STK32B: variants seen among roughly 807,000 people sequenced by gnomAD.
STK32B encodes the protein serine/threonine kinase 32B, also known as serine/threonine-protein kinase 32B.
Under a neutral mutation model 52.6 loss-of-function variants are expected in STK32B, and 43 were observed. That is an observed-to-expected ratio of 0.82 (90% confidence interval 0.64 to 1.05). STK32B has a LOEUF of 1.05. STK32B is among the 50% of genes least tolerant of loss of function. STK32B has a pLI of 0.00. For synonymous variants in STK32B, 238 were observed against 204.3 expected (o/e 1.17, Z -1.41); for missense variants, 621 against 534.6 (o/e 1.16, Z -1.59).
At chr4:5,356,500 G>A (rs919045166) in intron 4 of STK32B, among the ~76,000 whole-genome samples, 13 of 152,202 alleles carry the variant, frequency 8.5e-5, no homozygotes, top group African/African-American at 2.4e-4. Context: ...ACTGCTTTGC[G>A]AAGATTCCCG....
chr4:5,471,488 A>G (rs1287888856), intron 11 of STK32B, among the ~76,000 whole-genome samples: 1 of 152,112 alleles, frequency 6.6e-6, no homozygotes, highest in African/African-American at 2.4e-5. Context: ...CAGAGCCCTC[A>G]GAAGGAGCCA....
intron 3 of STK32B, among the ~76,000 whole-genome samples, chr4:5,203,645 G>A (rs1722328852): frequency 6.6e-6 from 1 of 152,188 alleles, no homozygotes; most frequent in Non-Finnish European, 1.5e-5. Flanking sequence ...CATACTGCCT[G>A]ATACGGCGCA....
At chr4:5,349,532 T>G (rs544659421) in intron 4 of STK32B, among the ~76,000 whole-genome samples, 3 of 151,838 alleles carry the variant, frequency 2.0e-5, no homozygotes, top group African/African-American at 7.3e-5. Flanking sequence ...AAAGTGACTA[T>G]TATGCCAGAT....
chr4:5,057,857 C>T (rs1742067139), intron 1 of STK32B, among the ~76,000 whole-genome samples: 1 of 151,880 alleles, frequency 6.6e-6, no homozygotes, highest in Non-Finnish European at 1.5e-5. Context: ...GTCCTAACAC[C>T]CTAAAGGGAT....
chr4:5,166,186 CTCAAGCCAACA>C (rs1177044647), intron 2 of STK32B, among the ~76,000 whole-genome samples: 3 of 152,026 alleles, frequency 2.0e-5, no homozygotes, highest in Non-Finnish European at 2.9e-5. Context: ...TCGCTGGGTC[CTCAAGCCAACA>C]GCGTTATTGC....
intron 3 of STK32B, among the ~76,000 whole-genome samples, chr4:5,251,777 A>G (rs951125434): frequency 6.6e-6 from 1 of 152,176 alleles, no homozygotes. Flanking sequence ...TTCACGTTAC[A>G]CAGATCTTTC....
chr4:5,192,562 G>C (rs1357618982), intron 3 of STK32B, among the ~76,000 whole-genome samples: 5 of 152,110 alleles, frequency 3.3e-5, no homozygotes. Context: ...ATTTTTAAAT[G>C]AAACAATTTT....
At chr4:5,136,494 G>T (rs16836685) in intron 1 of STK32B, among the ~76,000 whole-genome samples, 2 of 152,148 alleles carry the variant, frequency 1.3e-5, no homozygotes, top group African/African-American at 4.8e-5. Flanking sequence ...GATGGAATGG[G>T]TTCCTGTTCA....
rs536791027 is a variant in STK32B at position 5,172,324 on chromosome 4, G to T, written c.260+3874G>T. Among the ~76,000 whole-genome samples the T allele has an allele frequency of 4.8e-3, 725 of 152,166 alleles. 10 individuals are homozygous for T. The highest frequency in any genetic ancestry group is 0.016 in the South Asian group (79 of 4,810). On this transcript the variant is annotated intron_variant, in intron 3 of 11. Coordinates refer to ENST00000282908, the MANE Select transcript of STK32B (RefSeq NM_018401.3). ...TTTCCTTCTCCTGCCTGATTGCCCT[G>T]GCCAGAACCTCCAACACTATGTTGA...
Position 5,472,538 on chromosome 4 carries a change from A to G in STK32B, c.1106+4468A>G, listed in dbSNP as rs1717924056. On this transcript the variant is annotated intron_variant, in intron 11 of 11. Coordinates refer to ENST00000282908, the MANE Select transcript of STK32B (RefSeq NM_018401.3). ...GGTTGAGAAATGCACCAGGGGGCCC[A>G]TCCTCCTATTCTTGGCCAAAGATCT... Among the ~76,000 whole-genome samples the G allele has an allele frequency of 2.0e-5, 3 of 152,324 alleles. No homozygotes were observed. The South Asian group carries it at 6.2e-4, about 32-fold the overall frequency.
At chr4:5,054,371 C>G (rs770397871) in intron 1 of STK32B, among the ~76,000 whole-genome samples, 2 of 152,018 alleles carry the variant, frequency 1.3e-5, no homozygotes, top group Admixed American at 6.6e-5. Context: ...TCTGAAAAGG[C>G]CTCCTCTTTT....
chr4:5,173,869 T>G (rs1034916347), intron 3 of STK32B, among the ~76,000 whole-genome samples: 3 of 152,144 alleles, frequency 2.0e-5, no homozygotes, highest in Non-Finnish European at 4.4e-5. Context: ...TGTTAACTTT[T>G]TGTCTCATTG....
chr4:5,499,097 GC>G lies in STK32B; in HGVS notation c.*15del, dbSNP rs771523278. The G allele has an allele frequency of 1.9e-6, 3 of 1,605,008 alleles. No individual in the cohort carries two copies. Among genetic ancestry groups the G allele is most frequent in the Non-Finnish European group, 2.6e-6 (3 of 1,175,098 alleles). On this transcript the variant is annotated 3_prime_UTR_variant, in exon 12 of 12. Coordinates refer to ENST00000282908, the MANE Select transcript of STK32B (RefSeq NM_018401.3). The stretch of plus-strand genomic sequence containing the variant: ...TGCAGCAGCTGAGCCCACACTTGTT[GC>G]TGCTCAACAGGACTGCACTCGTCTC...
At chr4:5,271,520 G>GT (rs1200740337) in intron 3 of STK32B, among the ~76,000 whole-genome samples, 3 of 149,876 alleles carry the variant, frequency 2.0e-5, no homozygotes, top group East Asian at 2.0e-4. Flanking sequence ...CTTGAAAGTA[G>GT]TTTTTTCCAA....
chr4:5,392,640 C>G (rs1736657807), intron 4 of STK32B, among the ~76,000 whole-genome samples: 1 of 151,988 alleles, frequency 6.6e-6, no homozygotes, highest in Non-Finnish European at 1.5e-5. Context: ...TGACAAATCA[C>G]AAGGAGGAAC....
chr4:5,211,521 G>T (rs948505404), intron 3 of STK32B, among the ~76,000 whole-genome samples: 1 of 129,012 alleles, frequency 7.8e-6, no homozygotes, highest in Non-Finnish European at 1.7e-5. Context: ...AGGAGGACCA[G>T]GGGGAAAGCA....
chr4:5,321,597 A>G (rs1017441867), intron 3 of STK32B, among the ~76,000 whole-genome samples: 7 of 152,130 alleles, frequency 4.6e-5, no homozygotes, highest in African/African-American at 1.4e-4. Flanking sequence ...TATCTCCTCT[A>G]TCAGTCTTAC....
chr4:5,453,890 AGT>A lies in STK32B; in HGVS notation c.667-2915_667-2914del, dbSNP rs1716255028. Among the ~76,000 whole-genome samples the A allele has an allele frequency of 1.3e-5, 2 of 151,212 alleles. No homozygotes were observed. The highest frequency in any genetic ancestry group is 1.3e-4 in the Admixed American group (2 of 15,118). ...ATTGCACTCCAGTCTAGGCGACAAGAGTGAAACTCCATCTAAAAAAAAAGAAG... is the reference window on the plus strand; with the variant it reads ...ATTGCACTCCAGTCTAGGCGACAAGAGAAACTCCATCTAAAAAAAAAGAAG... On this transcript the variant is annotated intron_variant, in intron 7 of 11. Transcript: ENST00000282908. This position sits in a 1 kb window ranked among gnomAD's most constrained non-coding sequence, Gnocchi z 4.0.
At chr4:5,235,204 G>A (rs971268709) in intron 3 of STK32B, among the ~76,000 whole-genome samples, 52 of 152,324 alleles carry the variant, frequency 3.4e-4, no homozygotes, top group Middle Eastern at 6.8e-3. Flanking sequence ...AATGGTGATT[G>A]CACTGCCTGT....
Sources: allele counts gnomAD v4.1 joint callset (sites outside exome capture counted in the v4.1 genomes callset), GRCh38; gene constraint gnomAD v4.1.1; non-coding constraint Gnocchi (gnomAD v3.1); transcripts MANE v1.5; gene names NCBI Gene and HGNC (gene_info 2026-07-23, HGNC 2026-07-21).